MTMR2: variants seen among roughly 807,000 people sequenced by gnomAD.
MTMR2 encodes phosphatidylinositol-3,5-bisphosphate 3-phosphatase MTMR2.
In MTMR2, 55 loss-of-function variants were observed where a neutral mutation model predicts 86.9. That is an observed-to-expected ratio of 0.63 (90% CI 0.51 to 0.79). The LOEUF (loss-of-function observed/expected upper bound fraction) is 0.79, where lower values mean the gene tolerates loss of function less well. Among genes scored for constraint, MTMR2 ranks in the 30% least tolerant of loss-of-function variants. The pLI, the probability that MTMR2 is intolerant of heterozygous loss-of-function variation, is 0.00. For missense variants in MTMR2, 659 were observed against 772.3 expected (o/e 0.85, Z 1.74); for synonymous variants, 241 against 266.8 (o/e 0.90, Z 0.94).
chr11:95,850,011 T>C (rs529122010), intron 8 of MTMR2, 149 bp from the exon 9 acceptor site: 1 of 758,414 alleles, frequency 1.3e-6, no homozygotes, highest in African/African-American at 1.7e-5. Context: ...AATCATCACC[T>C]TTCCTTCAAG....
In MTMR2 at chr11:95,835,043, G is replaced by GA. The variant is rs974980959; in HGVS notation, c.*246dup. On this transcript the variant is annotated 3_prime_UTR_variant, in exon 15 of 15. Transcript: ENST00000346299. Reference sequence around the variant, plus strand: ...TTGTTCCCACTGTGAATCCAGGATTGAAGTATTTTAATATTCTTTGGATAC... The same window carrying GA: ...TTGTTCCCACTGTGAATCCAGGATTGAAAGTATTTTAATATTCTTTGGATAC... The GA allele has an allele frequency of 7.5e-5, 36 of 482,120 alleles. No individual in the cohort carries two copies. Among genetic ancestry groups the GA allele is most frequent in the African/African-American group, 5.4e-4 (28 of 51,554 alleles). 29.9% of individuals were successfully genotyped at this position (482,120 alleles called of 1,614,324 possible).
rs978497024 is a variant in MTMR2 at position 95,924,033 on chromosome 11, T to C, written c.-79A>G. The C allele has an allele frequency of 1.4e-5, 22 of 1,525,508 alleles. No homozygotes were observed. The highest frequency in any genetic ancestry group is 1.1e-4 in the African/African-American group (8 of 72,558). 94.5% of individuals were successfully genotyped at this position (1,525,508 alleles called of 1,614,324 possible). A position where few individuals can be genotyped will look rare whatever the true frequency, so the allele number is the denominator to read the frequency against. On this transcript the variant is annotated 5_prime_UTR_variant, in exon 1 of 15. Transcript: ENST00000346299. Reference sequence around the variant, plus strand: ...GCGGGAGAAGCGGAGGGCGGAGTGCTACGGACCGGGGCCGCAGTCAGGCCA... The same window carrying C: ...GCGGGAGAAGCGGAGGGCGGAGTGCCACGGACCGGGGCCGCAGTCAGGCCA...
intron 7 of MTMR2, among the ~76,000 whole-genome samples, chr11:95,854,274 T>G (rs1397188466): frequency 6.6e-6 from 1 of 152,194 alleles, no homozygotes; most frequent in Non-Finnish European, 1.5e-5. Context: ...ATCACTGCCC[T>G]TCAGTATCCA....
Position 95,845,099 on chromosome 11 carries a change from C to T in MTMR2, c.1240G>A (p.Val414Ile). 6.2e-7 allele frequency: 1 copy of T among 1,613,990 alleles called. No homozygotes were observed. The highest frequency in any genetic ancestry group is 1.1e-5 in the South Asian group (1 of 91,088). The change falls in exon 11 of 15, where the codon GTA (valine) becomes ATA (isoleucine). Residue 414 changes from valine to isoleucine, a missense_variant. By Grantham distance (29) the Val-to-Ile change is conservative. Around this residue, in one of 3 missense-constraint regions of MTMR2, gnomAD observed 387 missense variants for 526.3 expected, o/e 0.74. Transcript: ENST00000346299. ...TCCCAACCATCACTGCAATGCACTA[C>T]CACAGACGTCTTCCCTGACTCTACC... ...DKVESGKTSV[V>I]VHCSDGWDRT...
chr11:95,898,380 C>A (rs563954439), intron 1 of MTMR2, among the ~76,000 whole-genome samples: 3 of 151,982 alleles, frequency 2.0e-5, no homozygotes, highest in South Asian at 2.1e-4. Flanking sequence ...TTTTTTAGTG[C>A]CTACAATATG....
At position 95,924,004 on chromosome 11, in the gene MTMR2, C is replaced by CAGGGCGGGAGAAGCGG. The variant is rs1867043642; in HGVS notation, c.-66_-51dup. The stretch of plus-strand genomic sequence containing the variant: ...AAGGCTGAAGCAGTCTTCGCGGCTA[C>CAGGGCGGGAGAAGCGG]AGGGCGGGAGAAGCGGAGGGCGGAG... On this transcript the variant is annotated 5_prime_UTR_variant, in exon 1 of 15. Coordinates refer to ENST00000346299, the MANE Select transcript of MTMR2 (RefSeq NM_016156.6). 1 of 1,548,794 alleles carries CAGGGCGGGAGAAGCGG rather than the reference C, an allele frequency of 6.5e-7. No homozygotes were observed. The highest frequency in any genetic ancestry group is 1.4e-5 in the African/African-American group (1 of 73,038).
intron 1 of MTMR2, among the ~76,000 whole-genome samples, chr11:95,891,681 T>C (rs111468973): frequency 3.3e-5 from 5 of 152,308 alleles, no homozygotes; most frequent in Non-Finnish European, 5.9e-5. Context: ...CACAGTGTTA[T>C]AGTTTAATAA....
Position 95,849,803 on chromosome 11 carries a change from C to T in MTMR2, c.864G>A (p.Met288Ile), listed in dbSNP as rs1274853992. 6.2e-7 allele frequency: 1 copy of T among 1,614,176 alleles called. No homozygotes were observed. Residue 288 changes from methionine to isoleucine, a missense_variant, in exon 9 of 15, where the codon ATG becomes ATA. Met to Ile is a conservative substitution (Grantham distance 10). This residue lies in a region of MTMR2 where 387 missense variants were observed against 526.3 expected (regional missense o/e 0.74). Coordinates refer to ENST00000346299, the MANE Select transcript of MTMR2 (RefSeq NM_016156.6). ...QATITRCSQP[M>I]VGVSGKRSKE... is the part of the protein sequence containing the mutation. Reference sequence around the variant, plus strand: ...TGCTTCGCTTTCCACTCACTCCAACCATGGGCTGGCTACACCGAGTGATTG... The same window carrying T: ...TGCTTCGCTTTCCACTCACTCCAACTATGGGCTGGCTACACCGAGTGATTG...
At chr11:95,915,078 T>C (rs7114555) in intron 1 of MTMR2, among the ~76,000 whole-genome samples, 63,387 of 151,976 alleles carry the variant, frequency 0.42, 13,566 homozygotes, top group Non-Finnish European at 0.45. Flanking sequence ...CAAGGCTTGT[T>C]TTCAGTGTTG....
chr11:95,902,022 G>A (rs1259854251), intron 1 of MTMR2, among the ~76,000 whole-genome samples: 1 of 152,110 alleles, frequency 6.6e-6, no homozygotes, highest in East Asian at 1.9e-4. Flanking sequence ...GATAGTAAAT[G>A]AAGATAAGAG....
intron 9 of MTMR2, among the ~76,000 whole-genome samples, chr11:95,848,247 T>C (rs1478992923): frequency 2.0e-4 from 30 of 152,194 alleles, no homozygotes; most frequent in Non-Finnish European, 1.0e-4. Context: ...CTTCCTTTCA[T>C]ATATACTGAA....
chr11:95,896,303 AT>A (rs543694775), intron 1 of MTMR2, among the ~76,000 whole-genome samples: 2 of 149,432 alleles, frequency 1.3e-5, no homozygotes, highest in South Asian at 2.1e-4. Context: ...TTGATTAATG[AT>A]TTTTTTTTGT....
chr11:95,920,135 C>T (rs1866861303), intron 1 of MTMR2, among the ~76,000 whole-genome samples: 1 of 152,124 alleles, frequency 6.6e-6, no homozygotes, highest in African/African-American at 2.4e-5. Context: ...AGTAAAATTA[C>T]AGAATATAAC....
intron 6 of MTMR2, 131 bp from the exon 7 acceptor site, chr11:95,857,766 T>C: frequency 4.5e-6 from 3 of 668,586 alleles, no homozygotes; most frequent in South Asian, 1.8e-5. Flanking sequence ...GCATCCTTTT[T>C]TGTATTATAG....
chr11:95,919,760 T>C (rs1482486314), intron 1 of MTMR2, among the ~76,000 whole-genome samples: 1 of 152,196 alleles, frequency 6.6e-6, no homozygotes, highest in Admixed American at 6.5e-5. Context: ...AAGGAATCCT[T>C]TTTAATCCTT....
chr11:95,870,704 CTTTT>C (rs1022051868), intron 2 of MTMR2, among the ~76,000 whole-genome samples: 2 of 109,334 alleles, frequency 1.8e-5, no homozygotes, highest in Admixed American at 8.5e-5. Context: ...AACCTATCTT[CTTTT>C]TTTTTTTTAA....
intron 1 of MTMR2, among the ~76,000 whole-genome samples, chr11:95,897,522 A>G (rs902415438): frequency 1.3e-5 from 2 of 152,288 alleles, no homozygotes; most frequent in Admixed American, 6.5e-5. Context: ...ACAACTACAT[A>G]TATTTCAGGA....
At chr11:95,910,284 G>A (rs1256354933) in intron 1 of MTMR2, among the ~76,000 whole-genome samples, 3 of 151,974 alleles carry the variant, frequency 2.0e-5, no homozygotes, top group Non-Finnish European at 4.4e-5. Context: ...GTTTGGCCGA[G>A]TGTTAATGGA....
intron 9 of MTMR2, 86 bp downstream of exon 9, chr11:95,849,588 C>T: frequency 7.4e-6 from 9 of 1,210,176 alleles, no homozygotes; most frequent in Non-Finnish European, 1.1e-5. Flanking sequence ...CACTGTAGAG[C>T]CTGAGCTCTT....
Sources: gnomAD v4.1 joint callset for allele counts (sites outside exome capture counted in the v4.1 genomes callset) on GRCh38, gnomAD v4.1.1 for gene constraint, gnomAD v4.1.1 regional missense constraint, MANE v1.5 for transcripts, NCBI Gene and HGNC (gene_info 2026-07-23, HGNC 2026-07-21) for gene names.